The following GABRG1 variants were observed in gnomAD, a reference collection of about 807,000 sequenced individuals.
The protein encoded by GABRG1 is gamma-aminobutyric acid receptor subunit gamma-1.
Under a neutral mutation model 49.8 loss-of-function variants are expected in GABRG1, and 49 were observed. That is an observed-to-expected ratio of 0.98 (90% CI 0.78 to 1.25). The LOEUF (loss-of-function observed/expected upper bound fraction) is 1.25, where lower values mean the gene tolerates loss of function less well. Among genes scored for constraint, GABRG1 ranks in the 50% most tolerant of loss-of-function variants. The probability of loss-of-function intolerance (pLI) is 0.00; values close to 1 mark genes in which losing one functional copy is unlikely to be tolerated. For missense variants in GABRG1, 552 were observed against 552.3 expected, an observed-to-expected ratio of 1.00 and a Z score of 0.01; for synonymous variants, 232 against 185.1, an observed-to-expected ratio of 1.25 and a Z score of -2.06.
chr4:46,043,990 A>C (rs1215953132), intron 8 of GABRG1, among the ~76,000 whole-genome samples: 1 of 152,064 alleles, frequency 6.6e-6, no homozygotes, highest in Non-Finnish European at 1.5e-5. Flanking sequence ...ATTAAATATT[A>C]GTAATATGAA....
intron 3 of GABRG1, among the ~76,000 whole-genome samples, chr4:46,080,206 A>T (rs1308431317): frequency 6.6e-6 from 1 of 151,868 alleles, no homozygotes; most frequent in East Asian, 1.9e-4. Flanking sequence ...AAAAAAACTA[A>T]TATATTAATT....
chr4:46,048,985 C>A (rs1718112050), intron 8 of GABRG1, among the ~76,000 whole-genome samples: 1 of 151,834 alleles, frequency 6.6e-6, no homozygotes, highest in Non-Finnish European at 1.5e-5. Context: ...GAATTGTTGA[C>A]CTTTCAGCAA....
intron 1 of GABRG1, among the ~76,000 whole-genome samples, chr4:46,105,683 C>T (rs549848851): frequency 6.6e-6 from 1 of 151,320 alleles, no homozygotes; most frequent in Non-Finnish European, 1.5e-5. Context: ...GTTGGATCAA[C>T]ATCACACTAT....
intron 1 of GABRG1, among the ~76,000 whole-genome samples, chr4:46,121,294 A>G (rs1052391625): frequency 2.6e-5 from 4 of 151,960 alleles, no homozygotes; most frequent in African/African-American, 9.7e-5. Context: ...AAAACTAACC[A>G]AAAGAAAGGG....
intron 8 of GABRG1, among the ~76,000 whole-genome samples, chr4:46,050,645 TA>T (rs765085151): frequency 6.6e-6 from 1 of 151,810 alleles, no homozygotes; most frequent in Non-Finnish European, 1.5e-5. Context: ...ACAGGATATA[TA>T]AAGGAAGGGT....
intron 1 of GABRG1, among the ~76,000 whole-genome samples, chr4:46,104,626 A>G (rs912618959): frequency 3.3e-5 from 5 of 151,486 alleles, no homozygotes; most frequent in African/African-American, 1.2e-4. Flanking sequence ...AAAATAAAAC[A>G]CCTATTTATA....
intron 1 of GABRG1, among the ~76,000 whole-genome samples, chr4:46,103,585 A>G (rs1473473517): frequency 6.6e-6 from 1 of 151,582 alleles, no homozygotes; most frequent in African/African-American, 2.4e-5. Context: ...GTGAATTAAT[A>G]TAAAATCCAG....
In GABRG1 at chr4:46,097,600, C is replaced by T. The variant is rs547042252; in HGVS notation, c.105-251G>A. ...ATAAAGTAAATTTTGACCACTCCCA[C>T]AACTGTCATTAACATTCATAAAAAT... On this transcript the variant is annotated intron_variant, in intron 1 of 8. Coordinates refer to ENST00000295452, the MANE Select transcript of GABRG1 (RefSeq NM_173536.4). 2.0e-5 allele frequency among the ~76,000 whole-genome samples: 3 copies of T among 151,704 alleles called. 1 individual carries two copies. The highest frequency in any genetic ancestry group is 7.2e-5 in the African/African-American group (3 of 41,476).
chr4:46,098,855 G>A (rs1185232065), intron 1 of GABRG1, among the ~76,000 whole-genome samples: 5 of 151,578 alleles, frequency 3.3e-5, no homozygotes, highest in South Asian at 2.1e-4. Flanking sequence ...TGGTTGGGGG[G>A]TTGGGGCACT....
At chr4:46,096,867 CATT>C (rs1720181557) in intron 2 of GABRG1, among the ~76,000 whole-genome samples, 1 of 151,576 alleles carries the variant, frequency 6.6e-6, no homozygotes, top group Non-Finnish European at 1.5e-5. Flanking sequence ...GTAAAATATT[CATT>C]ATTTATAAAA....
intron 3 of GABRG1, among the ~76,000 whole-genome samples, chr4:46,068,717 A>T (rs1329997394): frequency 6.6e-6 from 1 of 151,312 alleles, no homozygotes; most frequent in African/African-American, 2.4e-5. Context: ...TACACGTAAT[A>T]AAAAAAAATC....
chr4:46,097,133 AT>A (rs1720189808), intron 2 of GABRG1, 67 bp downstream of exon 2: 8 of 1,310,396 alleles, frequency 6.1e-6, no homozygotes, highest in Non-Finnish European at 8.2e-6. Context: ...AGAAATAATG[AT>A]TAAAATAGTA....
intron 1 of GABRG1, among the ~76,000 whole-genome samples, chr4:46,107,755 T>C (rs570443891): frequency 7.3e-5 from 11 of 151,348 alleles, no homozygotes; most frequent in African/African-American, 2.7e-4. Context: ...CAATCTCATG[T>C]TCTACAAACT....
intron 8 of GABRG1, among the ~76,000 whole-genome samples, chr4:46,046,101 CATTTATGAATTGTTCTATTTGTTT>C (rs1717988475): frequency 2.0e-5 from 3 of 152,084 alleles, no homozygotes; most frequent in East Asian, 1.9e-4. Context: ...TTTATTTGTA[CATTTATGAATTGTTCTATTTGTTT>C]ATTTATGAAT....
intron 1 of GABRG1, among the ~76,000 whole-genome samples, chr4:46,105,483 A>G (rs1433199992): frequency 6.6e-6 from 1 of 151,354 alleles, no homozygotes; most frequent in Non-Finnish European, 1.5e-5. Flanking sequence ...TACATTTAGG[A>G]GATTTGGAGA....
chr4:46,051,168 A>G (rs1056616651), intron 8 of GABRG1, among the ~76,000 whole-genome samples: 25 of 152,008 alleles, frequency 1.6e-4, no homozygotes, highest in Admixed American at 1.4e-3. Flanking sequence ...TTTGAGGTAC[A>G]AAGAATCTAC....
At chr4:46,107,297 A>G (rs1274660960) in intron 1 of GABRG1, among the ~76,000 whole-genome samples, 1 of 151,316 alleles carries the variant, frequency 6.6e-6, no homozygotes, top group African/African-American at 2.4e-5. Flanking sequence ...AAGTTTTATG[A>G]AATCATATAA....
chr4:46,110,453 A>T (rs1281222056), intron 1 of GABRG1, among the ~76,000 whole-genome samples: 1 of 150,956 alleles, frequency 6.6e-6, no homozygotes, highest in Non-Finnish European at 1.5e-5. Flanking sequence ...GGTCTTGTTA[A>T]TCTATCCAAC....
intron 8 of GABRG1, among the ~76,000 whole-genome samples, chr4:46,048,135 C>T (rs751889437): frequency 3.9e-5 from 6 of 151,944 alleles, no homozygotes; most frequent in Non-Finnish European, 8.8e-5. Context: ...ATTACTAGTG[C>T]CTTTCGGTTT....
Sources: allele counts gnomAD v4.1 joint callset (sites outside exome capture counted in the v4.1 genomes callset), GRCh38; gene constraint gnomAD v4.1.1; transcripts MANE v1.5; gene names NCBI Gene and HGNC (gene_info 2026-07-23, HGNC 2026-07-21).